Variants in CAPZB observed in about 807,000 individuals in gnomAD.
CAPZB encodes capping actin protein of muscle Z-line subunit beta, also known as F-actin-capping protein subunit beta.
CAPZB carries 2 observed loss-of-function variants against 38.1 expected under a neutral mutation model. The observed-to-expected ratio is 0.05, with a 90% CI of 0.02 to 0.17. CAPZB has a LOEUF of 0.17. CAPZB is among the 10% of genes least tolerant of loss of function. The pLI, the probability that CAPZB is intolerant of heterozygous loss-of-function variation, is 1.00. For synonymous variants in CAPZB, 107 were observed against 127.4 expected (o/e 0.84, Z 1.08); for missense variants, 161 against 334.2 (o/e 0.48, Z 4.04).
intron 1 of CAPZB, among the ~76,000 whole-genome samples, chr1:19,457,896 C>A (rs1033725046): frequency 6.6e-6 from 1 of 152,114 alleles, no homozygotes; most frequent in Admixed American, 6.5e-5. Flanking sequence ...ACCTAAAGGG[C>A]AACATCAGGG....
chr1:19,398,878 CTTTT>C (rs35605042), intron 2 of CAPZB, among the ~76,000 whole-genome samples: 3 of 140,882 alleles, frequency 2.1e-5, no homozygotes, highest in Admixed American at 7.0e-5. Context: ...CTGCACAACT[CTTTT>C]TTTTTTTTTT....
chr1:19,443,462 T>C (rs982190694), intron 1 of CAPZB, among the ~76,000 whole-genome samples: 2 of 152,088 alleles, frequency 1.3e-5, no homozygotes, highest in Non-Finnish European at 1.5e-5. Flanking sequence ...ATAATATTAA[T>C]ATAGCCACGG....
At chr1:19,446,065 T>C (rs897448044) in intron 1 of CAPZB, among the ~76,000 whole-genome samples, 4 of 152,120 alleles carry the variant, frequency 2.6e-5, no homozygotes, top group South Asian at 2.1e-4. Flanking sequence ...ACAGATAACC[T>C]GAGAGCGGCA....
chr1:19,348,273 T>A (rs546374660), intron 6 of CAPZB, among the ~76,000 whole-genome samples: 16 of 151,682 alleles, frequency 1.1e-4, no homozygotes, highest in South Asian at 4.2e-4. Flanking sequence ...TTTTTTTTTT[T>A]AATTTTCTTT....
At chr1:19,358,100 G>A (rs1016178867) in intron 4 of CAPZB, among the ~76,000 whole-genome samples, 2 of 152,196 alleles carry the variant, frequency 1.3e-5, no homozygotes, top group Admixed American at 6.5e-5. Flanking sequence ...GCTTGAGACA[G>A]TGCTTCCTCC....
chr1:19,469,167 C>T (rs1570357405), intron 1 of CAPZB, among the ~76,000 whole-genome samples: 1 of 152,132 alleles, frequency 6.6e-6, no homozygotes, highest in Non-Finnish European at 1.5e-5. Context: ...GGGATAGGGC[C>T]AAGCCCTGAA....
intron 1 of CAPZB, among the ~76,000 whole-genome samples, chr1:19,422,028 CAATACAAAGCT>C (rs1316951499): frequency 6.6e-6 from 1 of 152,034 alleles, no homozygotes; most frequent in Non-Finnish European, 1.5e-5. Flanking sequence ...TGTTCAAACT[CAATACAAAGCT>C]ACGTATTCTC....
At chr1:19,430,941 G>A (rs1030024097) in intron 1 of CAPZB, among the ~76,000 whole-genome samples, 1 of 152,138 alleles carries the variant, frequency 6.6e-6, no homozygotes, top group African/African-American at 2.4e-5. Context: ...GGCTCTGCTG[G>A]CCAACTGAGT....
intron 2 of CAPZB, among the ~76,000 whole-genome samples, chr1:19,407,638 T>C (rs904948504): frequency 1.3e-5 from 2 of 151,920 alleles, no homozygotes; most frequent in Non-Finnish European, 2.9e-5. Flanking sequence ...GATTGAGGGG[T>C]CTGATGACCT....
At chr1:19,466,515 C>A (rs1164549929) in intron 1 of CAPZB, among the ~76,000 whole-genome samples, 4 of 152,208 alleles carry the variant, frequency 2.6e-5, no homozygotes, top group African/African-American at 9.7e-5. Flanking sequence ...CGAGGTACCA[C>A]TGAATGGCAT....
chr1:19,445,428 C>T (rs2094492852), intron 1 of CAPZB, among the ~76,000 whole-genome samples: 1 of 151,862 alleles, frequency 6.6e-6, no homozygotes. Context: ...CATGCACTTT[C>T]CCCGCTTTGC....
chr1:19,373,708 A>G lies in CAPZB; in HGVS notation c.329+4832T>C, dbSNP rs78350343. On this transcript the variant is annotated intron_variant, in intron 4 of 8. Coordinates refer to ENST00000264202, the MANE Select transcript of CAPZB (RefSeq NM_004930.5). ...TTTTAGTTTTCTTTTTTTTTTTTCC[A>G]GAGACAAGGACTCACTCTGTCACCC... 3.2e-4 allele frequency among the ~76,000 whole-genome samples: 47 copies of G among 149,036 alleles called. No individual in the cohort carries two copies. In the East Asian group the frequency reaches 8.4e-3, roughly 27 times the overall value.
intron 1 of CAPZB, among the ~76,000 whole-genome samples, chr1:19,440,581 G>A (rs778233719): frequency 3.6e-4 from 54 of 152,058 alleles, no homozygotes; most frequent in Non-Finnish European, 6.6e-4. Flanking sequence ...GTTGCTAGGT[G>A]TTTGGTTTGT....
chr1:19,375,924 C>A (rs1558198848), intron 4 of CAPZB, among the ~76,000 whole-genome samples: 1 of 152,132 alleles, frequency 6.6e-6, no homozygotes, highest in Non-Finnish European at 1.5e-5. Context: ...GGGAAATTCT[C>A]ATGATAACAG....
chr1:19,449,005 C>G, intron 1 of CAPZB: 1 of 1,556,216 alleles, frequency 6.4e-7, no homozygotes, highest in Non-Finnish European at 8.7e-7. Context: ...ACTAGGGACG[C>G]TGCCCCAGGC....
At chr1:19,449,404 G>C in intron 1 of CAPZB, 1 of 907,728 alleles carries the variant, frequency 1.1e-6, no homozygotes, top group Non-Finnish European at 1.3e-6. Context: ...CTTAAGGTGA[G>C]GAAAGAACCA....
At chr1:19,364,195 CAA>C (rs1441646394) in intron 4 of CAPZB, among the ~76,000 whole-genome samples, 4 of 152,202 alleles carry the variant, frequency 2.6e-5, no homozygotes, top group African/African-American at 4.8e-5. Flanking sequence ...CAACACAGTG[CAA>C]AAGACTTTTT....
rs1558189927 is a variant in CAPZB at position 19,366,311 on chromosome 1, A to ATATATAT, written c.330-8749_330-8748insATATATA. ...ATATATATATATATATATATATATAAATAAAATAAATGGTCATGAGGGACA... is the reference window on the plus strand; with the variant it reads ...ATATATATATATATATATATATATAATATATATATAAAATAAATGGTCATGAGGGACA... On this transcript the variant is annotated intron_variant, in intron 4 of 8. Coordinates refer to ENST00000264202, the MANE Select transcript of CAPZB (RefSeq NM_004930.5). Among the ~76,000 whole-genome samples, 380 of 63,148 alleles carry ATATATAT rather than the reference A, an allele frequency of 6.0e-3. 22 individuals carry two copies. The highest frequency in any genetic ancestry group is 0.019 in the African/African-American group (291 of 15,368). The allele number at this position is 63,148 out of a possible 152,430, so 41.4% of individuals were successfully genotyped here.
At chr1:19,395,373 T>C (rs2094261450) in intron 2 of CAPZB, among the ~76,000 whole-genome samples, 1 of 152,192 alleles carries the variant, frequency 6.6e-6, no homozygotes, top group East Asian at 1.9e-4. Flanking sequence ...CCTCCATCTC[T>C]TTCTTTTCTC....
Sources: gnomAD v4.1 joint callset for allele counts (sites outside exome capture counted in the v4.1 genomes callset) on GRCh38, gnomAD v4.1.1 for gene constraint, MANE v1.5 for transcripts, NCBI Gene and HGNC (gene_info 2026-07-23, HGNC 2026-07-21) for gene names.